YJU2: variants seen among roughly 807,000 people sequenced by gnomAD.
YJU2 encodes YJU2 splicing factor homolog, also known as splicing factor YJU2.
In YJU2, 28 loss-of-function variants were observed where a neutral mutation model predicts 39.6. The observed-to-expected ratio is 0.71, with a 90% CI of 0.52 to 0.97. The LOEUF is 0.97. Among genes scored for constraint, YJU2 ranks in the 50% least tolerant of loss-of-function variants. The probability of loss-of-function intolerance (pLI) is 0.00; values close to 1 mark genes in which losing one functional copy is unlikely to be tolerated. For synonymous variants in YJU2, 184 were observed against 182.4 expected (o/e 1.01, Z -0.07); for missense variants, 328 against 430.4 (o/e 0.76, Z 2.11).
intron 2 of YJU2, 67 bp from the exon 3 acceptor site, chr19:4,250,959 GC>G: frequency 6.4e-7 from 1 of 1,558,032 alleles, no homozygotes; most frequent in South Asian, 1.1e-5. Flanking sequence ...GCAGGATGCC[GC>G]AGGGACAGCC....
intron 6 of YJU2, among the ~76,000 whole-genome samples, chr19:4,264,787 C>T (rs1971103330): frequency 6.6e-6 from 1 of 151,622 alleles, no homozygotes; most frequent in Non-Finnish European, 1.5e-5. Flanking sequence ...GTGCCTGGCC[C>T]CTAATTTTTC....
At chr19:4,249,769 T>G (rs1301367290) in intron 2 of YJU2, among the ~76,000 whole-genome samples, 1 of 151,654 alleles carries the variant, frequency 6.6e-6, no homozygotes, top group Non-Finnish European at 1.5e-5. Flanking sequence ...TGCAGTGGCG[T>G]GATCTCAGCT....
At chr19:4,256,791 GT>G (rs1187605933) in intron 4 of YJU2, among the ~76,000 whole-genome samples, 1 of 152,168 alleles carries the variant, frequency 6.6e-6, no homozygotes, top group Non-Finnish European at 1.5e-5. Context: ...TCCTCGCTGT[GT>G]GGGGAGCTGC....
chr19:4,258,344 G>C lies in YJU2; in HGVS notation c.508G>C (p.Glu170Gln). 1 of 1,590,880 alleles carries C rather than the reference G, an allele frequency of 6.3e-7. No homozygotes were observed. The highest frequency in any genetic ancestry group is 8.5e-7 in the Non-Finnish European group (1 of 1,170,384). ...LNQRQAHVDF[E>Q]AMLRQHRLSE... ...CCAGCGGCAGGCGCACGTGGACTTCGAGGCTATGCTGAGGCAGCACCGCCT... is the reference window on the plus strand; with the variant it reads ...CCAGCGGCAGGCGCACGTGGACTTCCAGGCTATGCTGAGGCAGCACCGCCT... The change falls in exon 5 of 8, where the codon GAG becomes CAG. Residue 170 changes from glutamate (E) to glutamine (Q), a missense_variant. This residue lies in a region of YJU2 where 244 missense variants were observed against 264.6 expected (regional missense o/e 0.92). Coordinates refer to ENST00000262962, the MANE Select transcript of YJU2 (RefSeq NM_018074.6).
At position 4,247,175 on chromosome 19, in the gene YJU2, G is replaced by C. The variant is rs374660429; in HGVS notation, c.24+5G>C. 2 of 1,613,644 alleles carry C rather than the reference G, an allele frequency of 1.2e-6. No homozygotes were observed. Among genetic ancestry groups the C allele is most frequent in the Non-Finnish European group, 1.7e-6 (2 of 1,179,686 alleles). ...TCGGAGCGAAAAGTATTAAACGTAAGTGTTGGGCGACTGGGGCTTTTCAAT... is the reference window on the plus strand; with the variant it reads ...TCGGAGCGAAAAGTATTAAACGTAACTGTTGGGCGACTGGGGCTTTTCAAT... On this transcript the variant is annotated splice_donor_5th_base_variant and intron_variant, in intron 1 of 7. Transcript: ENST00000262962.
chr19:4,249,426 AC>A, intron 2 of YJU2, 98 bp downstream of exon 2: 1 of 737,000 alleles, frequency 1.4e-6, no homozygotes, highest in Admixed American at 2.4e-5. Context: ...AGACCAGATC[AC>A]TGGTCTTAGA....
At chr19:4,252,615 A>G (rs2144690097) in intron 3 of YJU2, among the ~76,000 whole-genome samples, 1 of 151,874 alleles carries the variant, frequency 6.6e-6, no homozygotes, top group East Asian at 1.9e-4. Flanking sequence ...AAAATAAATA[A>G]ATAAATTAAT....
intron 3 of YJU2, among the ~76,000 whole-genome samples, chr19:4,253,967 C>T (rs1970998504): frequency 6.6e-6 from 1 of 152,048 alleles, no homozygotes. Context: ...ACCACCTTGC[C>T]CTGCCTAATT....
intron 6 of YJU2, among the ~76,000 whole-genome samples, chr19:4,263,018 G>A (rs1568363566): frequency 6.7e-6 from 1 of 149,380 alleles, no homozygotes; most frequent in South Asian, 2.1e-4. Flanking sequence ...AGGTTGCAGC[G>A]AGCCGAGATC....
At chr19:4,262,630 G>A (rs1335514748) in intron 6 of YJU2, among the ~76,000 whole-genome samples, 5 of 152,058 alleles carry the variant, frequency 3.3e-5, no homozygotes, top group Non-Finnish European at 7.4e-5. Context: ...ATTTATAGGC[G>A]GGGTGCAGTG....
chr19:4,252,591 G>A (rs955377418), intron 3 of YJU2, among the ~76,000 whole-genome samples: 1 of 151,874 alleles, frequency 6.6e-6, no homozygotes, highest in African/African-American at 2.4e-5. Flanking sequence ...GCGACAGAGC[G>A]AGACTCCGTC....
chr19:4,267,936 TTTTTTTC>T lies in YJU2; in HGVS notation c.859+183_859+189del, dbSNP rs560524980. Among the ~76,000 whole-genome samples, 1,304 of 151,824 alleles carry T rather than the reference TTTTTTTC, an allele frequency of 8.6e-3. 10 individuals are homozygous for T. The highest frequency in any genetic ancestry group is 0.011 in the Non-Finnish European group (763 of 67,914). ...GTGAGCAGAGAAGGCAGGCGGCTTCTTTTTTTCTTTTTTCTTTTTTCTTTTTTTTTTT... is the reference window on the plus strand; with the variant it reads ...GTGAGCAGAGAAGGCAGGCGGCTTCTTTTTTTCTTTTTTCTTTTTTTTTTT... On this transcript the variant is annotated intron_variant, in intron 7 of 7. Transcript: ENST00000262962.
Position 4,262,119 on chromosome 19 carries a change from G to A in YJU2, c.708+5G>A. 1 of 1,604,946 alleles carries A rather than the reference G, an allele frequency of 6.2e-7. No homozygotes were observed. Among genetic ancestry groups the A allele is most frequent in the Non-Finnish European group, 8.5e-7 (1 of 1,176,902 alleles). On this transcript the variant is annotated splice_donor_5th_base_variant and intron_variant, in intron 6 of 7. Transcript: ENST00000262962. The stretch of plus-strand genomic sequence containing the variant: ...CCCACCGCCATCCTGGATGAGGTAA[G>A]TGGGGTGCCTGAGTCCTGGGGGCTC...
intron 3 of YJU2, among the ~76,000 whole-genome samples, chr19:4,252,473 G>A (rs903792100): frequency 2.0e-5 from 3 of 152,002 alleles, no homozygotes; most frequent in East Asian, 3.9e-4. Context: ...GCGTGGTGGC[G>A]GGTGCCTGTA....
intron 5 of YJU2, 34 bp from the exon 6 acceptor site, chr19:4,261,958 CAG>C (rs1971074106): frequency 3.7e-6 from 6 of 1,605,506 alleles, no homozygotes; most frequent in Non-Finnish European, 4.3e-6. Flanking sequence ...GTTCCCCAAA[CAG>C]AGCACGTCCA....
At position 4,247,597 on chromosome 19, in the gene YJU2, G is replaced by GGCA. The variant is rs1568359540; in HGVS notation, c.24+427_24+428insGCA. Among the ~76,000 whole-genome samples, 6 of 28,376 alleles carry GGCA rather than the reference G, an allele frequency of 2.1e-4. 2 individuals carry two copies. The highest frequency in any genetic ancestry group is 6.8e-4 in the African/African-American group (6 of 8,888). The allele number at this position is 28,376 out of a possible 152,430, so 18.6% of individuals were successfully genotyped here. On this transcript the variant is annotated intron_variant, in intron 1 of 7. Transcript: ENST00000262962. The stretch of plus-strand genomic sequence containing the variant: ...TGGGGTGGCGCGTGTGTGTGTGTGT[G>GGCA]TGTGTGTGTGTGTGTGTGTGTGTGT...
In YJU2 at chr19:4,267,635, C is replaced by T. The variant is rs1297960960; in HGVS notation, c.720C>T (p.Pro240=). ...PTAILDEAPK[P]KRKVEVWEQS... is the part of the protein sequence containing the mutation. ...CCCATCACCTGCAGGCCCCAAAGCC[C>T]AAGAGGAAGGTGGAGGTCTGGGAGC... The change falls in exon 7 of 8, where the codon CCC becomes CCT. Residue 240 remains proline (P), a synonymous_variant. Transcript: ENST00000262962. 1 of 1,613,032 alleles carries T rather than the reference C, an allele frequency of 6.2e-7. No individual in the cohort carries two copies. The highest frequency in any genetic ancestry group is 2.2e-5 in the East Asian group (1 of 44,874).
In YJU2 at chr19:4,259,083, T is replaced by TTTTC. The variant is rs1555725503; in HGVS notation, c.587+663_587+664insCTTT. 1.7e-3 allele frequency among the ~76,000 whole-genome samples: 218 copies of TTTTC among 131,364 alleles called. 2 individuals are homozygous for TTTTC. The highest frequency in any genetic ancestry group is 6.1e-3 in the African/African-American group (211 of 34,506). The allele number at this position is 131,364 out of a possible 152,430, so 86.2% of individuals were successfully genotyped here. ...GGTGAACACTTTTCTTTTTTTTTTT[T>TTTTC]TTTTTTTTTTTTTTTTTGAGACGGA... is the stretch of plus-strand genomic sequence containing the variant. On this transcript the variant is annotated intron_variant, in intron 5 of 7. Transcript: ENST00000262962.
intron 5 of YJU2, among the ~76,000 whole-genome samples, chr19:4,259,156 A>G (rs1254993905): frequency 9.8e-6 from 1 of 102,494 alleles, no homozygotes; most frequent in Non-Finnish European, 1.7e-5. Context: ...CATCTCGCTC[A>G]CTGCAAGCTC....
Sources: allele counts gnomAD v4.1 joint callset (sites outside exome capture counted in the v4.1 genomes callset), GRCh38; gene constraint gnomAD v4.1.1; regional missense constraint gnomAD v4.1.1; transcripts MANE v1.5; gene names NCBI Gene and HGNC (gene_info 2026-07-23, HGNC 2026-07-21).